Variants in CTNNA2 observed in about 807,000 individuals in gnomAD.
CTNNA2 encodes the protein catenin alpha-2.
In CTNNA2, 42 loss-of-function variants were observed where a neutral mutation model predicts 101.0. That is an observed-to-expected ratio of 0.42 (90% CI 0.32 to 0.54). CTNNA2 has a LOEUF of 0.54. Ranked by LOEUF, CTNNA2 falls within the 20% of genes least tolerant of loss-of-function variation. The probability of loss-of-function intolerance (pLI) is 0.14; values close to 1 mark genes in which losing one functional copy is unlikely to be tolerated. For missense variants in CTNNA2, 871 were observed against 1,223.1 expected, an observed-to-expected ratio of 0.71 and a Z score of 4.29; for synonymous variants, 450 against 456.4, an observed-to-expected ratio of 0.99 and a Z score of 0.18.
intron 7 of CTNNA2, among the ~76,000 whole-genome samples, chr2:79,941,610 C>G (rs1377563810): frequency 1.3e-5 from 2 of 152,132 alleles, no homozygotes; most frequent in African/African-American, 4.8e-5. Context: ...AGAACAAAGA[C>G]AGAAAACTTA....
chr2:79,772,473 C>T lies in CTNNA2; in HGVS notation c.298+27891C>T, dbSNP rs143171261. On this transcript the variant is annotated intron_variant, in intron 3 of 18. Transcript: ENST00000402739. ...TCAGATAATAGTTCAGAAGTGGATGCATGGTCTGGTGAGCAGCTCTCCCAT... is the reference window on the plus strand; with the variant it reads ...TCAGATAATAGTTCAGAAGTGGATGTATGGTCTGGTGAGCAGCTCTCCCAT... Among the ~76,000 whole-genome samples the T allele has an allele frequency of 2.6e-5, 4 of 152,294 alleles. No homozygotes were observed. The South Asian group carries it at 6.2e-4, about 24-fold the overall frequency.
chr2:79,943,318 G>A (rs1688286582), intron 7 of CTNNA2, among the ~76,000 whole-genome samples: 1 of 152,104 alleles, frequency 6.6e-6, no homozygotes, highest in Non-Finnish European at 1.5e-5. Flanking sequence ...CCCAGAAGAG[G>A]GGAATCGGTT....
chr2:79,223,396 G>A (rs1475208469), intron 2 of CTNNA2, among the ~76,000 whole-genome samples: 2 of 152,174 alleles, frequency 1.3e-5, no homozygotes, highest in Non-Finnish European at 2.9e-5. Context: ...GGGGGACTCA[G>A]ACAGTTCTTC....
chr2:79,188,261 C>T (rs1054357587), intron 1 of CTNNA2, among the ~76,000 whole-genome samples: 1 of 151,930 alleles, frequency 6.6e-6, no homozygotes, highest in Non-Finnish European at 1.5e-5. Flanking sequence ...TGTTCCTCAC[C>T]CCAGTGATGA....
intron 1 of CTNNA2, among the ~76,000 whole-genome samples, chr2:79,644,713 C>G (rs552597020): frequency 1.4e-4 from 22 of 152,274 alleles, no homozygotes; most frequent in Admixed American, 5.9e-4. Flanking sequence ...CACATGAGCC[C>G]CACGCATGCA....
chr2:80,352,781 T>C (rs1673428240), intron 7 of CTNNA2, among the ~76,000 whole-genome samples: 1 of 152,110 alleles, frequency 6.6e-6, no homozygotes, highest in African/African-American at 2.4e-5. Context: ...TTTGAGTTTA[T>C]TATAAGACAA....
intron 7 of CTNNA2, among the ~76,000 whole-genome samples, chr2:79,917,380 T>G (rs1686324716): frequency 1.3e-5 from 2 of 152,168 alleles, no homozygotes; most frequent in African/African-American, 4.8e-5. Flanking sequence ...TAAATTTGTT[T>G]TTAATTGGTA....
rs750558551 is a variant in CTNNA2 at position 80,589,384 on chromosome 2, G to A, written c.2088G>A (p.Lys696=). 26 of 1,614,136 alleles carry A rather than the reference G, an allele frequency of 1.6e-5. No individual in the cohort carries two copies. Among genetic ancestry groups the A allele is most frequent in the Non-Finnish European group, 1.9e-5 (22 of 1,180,008 alleles). ...QVEIFHQEKS[K]LDAEVAKWDD... ...AGATATTCCATCAAGAGAAAAGCAA[G>A]CTGGATGCAGAAGTGGCCAAATGGG... is the stretch of plus-strand genomic sequence containing the variant. The change falls in exon 15 of 19, where the codon AAG becomes AAA. Residue 696 remains lysine (K), a synonymous_variant. Coordinates refer to ENST00000402739, the MANE Select transcript of CTNNA2 (RefSeq NM_001282597.3).
intron 7 of CTNNA2, chr2:80,313,604 T>A (rs1000278316): frequency 6.2e-7 from 1 of 1,611,498 alleles, no homozygotes; most frequent in East Asian, 2.2e-5. Context: ...AGGCAAAGTC[T>A]GTGAAAAAAA....
At chr2:79,957,325 A>G (rs1478708663) in intron 7 of CTNNA2, among the ~76,000 whole-genome samples, 1 of 152,120 alleles carries the variant, frequency 6.6e-6, no homozygotes, top group Non-Finnish European at 1.5e-5. Context: ...CTTGACCTCT[A>G]CAGAAAGCAT....
In CTNNA2 at chr2:79,976,819, C is replaced by G. The variant is rs188313238; in HGVS notation, c.1056+67022C>G. 1.6e-4 allele frequency among the ~76,000 whole-genome samples: 24 copies of G among 152,216 alleles called. No individual in the cohort carries two copies. In the East Asian group the frequency reaches 3.7e-3, roughly 23 times the overall value. ...TCCTTCCCCACTTGGGGCACAGCCA[C>G]GATAATGCAGAGAACAGCAATCATA... On this transcript the variant is annotated intron_variant, in intron 7 of 18. Transcript: ENST00000402739.
rs1697230466 is a variant in CTNNA2, at chr2:80,598,940, A to T, written c.2190-5134A>T. Among the ~76,000 whole-genome samples, 4 of 152,310 alleles carry T rather than the reference A, an allele frequency of 2.6e-5. No individual in the cohort carries two copies. In the South Asian group the frequency reaches 8.3e-4, roughly 32 times the overall value. ...TAGTACGGTTCTGTGTCTCAATTGT[A>T]GTAGTTACATGAAGCTATACTTACA... On this transcript the variant is annotated intron_variant, in intron 15 of 18. Transcript: ENST00000402739.
chr2:79,551,933 A>T (rs1228860950), intron 1 of CTNNA2, among the ~76,000 whole-genome samples: 2 of 152,118 alleles, frequency 1.3e-5, no homozygotes, highest in Non-Finnish European at 2.9e-5. Context: ...TTATAATTTG[A>T]CATGAAATTT....
chr2:80,077,893 CTT>C (rs920134403), intron 7 of CTNNA2, among the ~76,000 whole-genome samples: 22 of 152,024 alleles, frequency 1.4e-4, no homozygotes, highest in African/African-American at 5.3e-4. Context: ...GGCATGTAGA[CTT>C]TTCAAAACTT....
intron 6 of CTNNA2, among the ~76,000 whole-genome samples, chr2:79,876,363 A>C (rs1424095689): frequency 6.6e-6 from 1 of 152,210 alleles, no homozygotes; most frequent in Non-Finnish European, 1.5e-5. Flanking sequence ...ACACAAATGG[A>C]CTCATCCATG....
At chr2:80,395,968 G>A (rs1677976766) in intron 8 of CTNNA2, among the ~76,000 whole-genome samples, 1 of 152,062 alleles carries the variant, frequency 6.6e-6, no homozygotes, top group African/African-American at 2.4e-5. Context: ...GCTAAGTTTG[G>A]GCAGTGCTTT....
chr2:79,344,683 T>G (rs1333245322), intron 3 of CTNNA2, among the ~76,000 whole-genome samples: 2 of 151,678 alleles, frequency 1.3e-5, no homozygotes, highest in Admixed American at 6.6e-5. Flanking sequence ...GAGCATAATG[T>G]TTTTTAAAAA....
In CTNNA2 at chr2:79,308,176, C is replaced by T. The variant is rs1049091011; in HGVS notation, c.-405-4533C>T. On this transcript the variant is annotated intron_variant, in intron 2 of 21. Coordinates refer to the CTNNA2 transcript ENST00000466387. ...TCTCCTGCCTCAGCCTTCTGAGTACCTGGGATTACAGGTGCCCATCACCAT... is the reference window on the plus strand; with the variant it reads ...TCTCCTGCCTCAGCCTTCTGAGTACTTGGGATTACAGGTGCCCATCACCAT... 5.5e-4 allele frequency among the ~76,000 whole-genome samples: 84 copies of T among 152,098 alleles called. 1 individual carries two copies. The highest frequency in any genetic ancestry group is 2.1e-4 in the South Asian group (1 of 4,816).
intron 9 of CTNNA2, among the ~76,000 whole-genome samples, chr2:80,442,231 G>A (rs1022713439): frequency 6.6e-6 from 1 of 152,204 alleles, no homozygotes; most frequent in Non-Finnish European, 1.5e-5. Context: ...GTATGGTGAT[G>A]TGGTCAGTGG....
Sources: allele counts gnomAD v4.1 joint callset (sites outside exome capture counted in the v4.1 genomes callset), GRCh38; gene constraint gnomAD v4.1.1; transcripts MANE v1.5; gene names NCBI Gene and HGNC (gene_info 2026-07-23, HGNC 2026-07-21).